Variants in CPXM2 observed in about 807,000 individuals in gnomAD.
The protein encoded by CPXM2 is carboxypeptidase X, M14 family member 2, also known as inactive carboxypeptidase-like protein X2.
CPXM2 carries 66 observed loss-of-function variants against 86.1 expected under a neutral mutation model. That is an observed-to-expected ratio of 0.77 (90% CI 0.63 to 0.94). CPXM2 has a LOEUF of 0.94. CPXM2 is among the 40% of genes least tolerant of loss of function. CPXM2 has a pLI of 0.00. For missense variants in CPXM2, 948 were observed against 1,026.3 expected (o/e 0.92, Z 1.04); for synonymous variants, 388 against 400.2 (o/e 0.97, Z 0.36).
intron 1 of CPXM2, among the ~76,000 whole-genome samples, chr10:123,888,416 A>C (rs1945213629): frequency 2.0e-5 from 3 of 152,174 alleles, no homozygotes; most frequent in Admixed American, 2.0e-4. Flanking sequence ...TCATCCACCC[A>C]GTGAAGCAAA....
At chr10:123,880,860 A>G (rs1245543011) in intron 1 of CPXM2, among the ~76,000 whole-genome samples, 2 of 149,632 alleles carry the variant, frequency 1.3e-5, no homozygotes, top group African/African-American at 4.9e-5. Context: ...AGACTGAAGA[A>G]TACCTTTGGG....
chr10:123,879,024 T>C (rs1427647249), intron 2 of CPXM2, among the ~76,000 whole-genome samples: 2 of 152,184 alleles, frequency 1.3e-5, no homozygotes, highest in African/African-American at 4.8e-5. Flanking sequence ...CCCGGTCCAA[T>C]GAGTCCTCTC....
intron 3 of CPXM2, among the ~76,000 whole-genome samples, chr10:123,857,593 TGGAGATGGAAGGCGGC>T (rs1848756854): frequency 1.5e-5 from 2 of 135,770 alleles, no homozygotes; most frequent in South Asian, 5.4e-4. Flanking sequence ...GAAGGCGGCG[TGGAGATGGAAGGCGGC>T]GTGGAGATGG....
At position 123,880,821 on chromosome 10, in the gene CPXM2, T is replaced by TCCG. The variant is rs1273362698; in HGVS notation, c.305-515_305-513dup. ...TCCAGCCTGGGTGACAGAGCGAGAT[T>TCCG]CCGTCTCAAAAAAAAAAAAAAAAAA... On this transcript the variant is annotated intron_variant, in intron 1 of 13. Transcript: ENST00000241305. Among the ~76,000 whole-genome samples, 7 of 95,448 alleles carry TCCG rather than the reference T, an allele frequency of 7.3e-5. No homozygotes were observed. The East Asian group carries it at 1.3e-3, about 17-fold the overall frequency. 62.6% of individuals were successfully genotyped at this position (95,448 alleles called of 152,430 possible).
chr10:123,779,025 G>T (rs548114339), intron 7 of CPXM2, among the ~76,000 whole-genome samples: 9 of 152,320 alleles, frequency 5.9e-5, no homozygotes, highest in African/African-American at 2.2e-4. Flanking sequence ...TTGGAGCTCC[G>T]CTTAATTACT....
At chr10:123,927,339 A>T (rs1261973774) in intron 2 of CPXM2, among the ~76,000 whole-genome samples, 1 of 152,220 alleles carries the variant, frequency 6.6e-6, no homozygotes, top group Non-Finnish European at 1.5e-5. Flanking sequence ...GGGCATGATA[A>T]TAGTACCTGC....
intron 2 of CPXM2, among the ~76,000 whole-genome samples, chr10:123,928,430 A>T (rs905775175): frequency 6.6e-6 from 1 of 152,238 alleles, no homozygotes; most frequent in African/African-American, 2.4e-5. Context: ...ACACCAACAC[A>T]TGTGGCCACA....
chr10:123,786,857 T>C (rs1214893785), intron 6 of CPXM2, among the ~76,000 whole-genome samples: 1 of 152,234 alleles, frequency 6.6e-6, no homozygotes, highest in Non-Finnish European at 1.5e-5. Context: ...ACCTATCTTA[T>C]GTCAAATGTA....
chr10:123,889,004 G>A (rs7920324), intron 1 of CPXM2, among the ~76,000 whole-genome samples: 2,689 of 152,322 alleles, frequency 0.018, 72 homozygotes, highest in African/African-American at 0.059. Context: ...CCCATGGCCT[G>A]TCTCTACCTG....
chr10:123,816,652 G>A (rs1314342697), intron 4 of CPXM2, among the ~76,000 whole-genome samples: 2 of 152,216 alleles, frequency 1.3e-5, no homozygotes, highest in East Asian at 3.9e-4. Context: ...CCTGGCAACT[G>A]GTATGCAGCC....
chr10:123,788,878 G>A (rs1447143554), intron 6 of CPXM2, among the ~76,000 whole-genome samples: 25 of 138,846 alleles, frequency 1.8e-4, no homozygotes, highest in South Asian at 2.3e-4. Context: ...CACCTTGATT[G>A]AAAAAAAAAA....
chr10:123,906,626 A>G (rs1945443814), intron 2 of CPXM2, among the ~76,000 whole-genome samples: 1 of 152,238 alleles, frequency 6.6e-6, no homozygotes, highest in African/African-American at 2.4e-5. Flanking sequence ...GTGGAATGCC[A>G]AACTGAAAAA....
intron 9 of CPXM2, 38 bp downstream of exon 9, chr10:123,768,488 C>T (rs1372226645): frequency 1.3e-6 from 2 of 1,561,458 alleles, no homozygotes; most frequent in African/African-American, 1.3e-5. Flanking sequence ...GGCCTCGCTG[C>T]CCATGTCCTA....
At chr10:123,902,457 T>C (rs1470886977) in intron 2 of CPXM2, among the ~76,000 whole-genome samples, 1 of 152,166 alleles carries the variant, frequency 6.6e-6, no homozygotes, top group Non-Finnish European at 1.5e-5. Flanking sequence ...TATAGTGTCT[T>C]AGTCCATTAG....
intron 3 of CPXM2, among the ~76,000 whole-genome samples, chr10:123,860,945 GA>G (rs1461064956): frequency 9.2e-5 from 14 of 152,170 alleles, no homozygotes; most frequent in Admixed American, 2.0e-4. Flanking sequence ...CGTCTGAACT[GA>G]AAAGTGGCGG....
At chr10:123,787,890 T>C (rs1452890311) in intron 6 of CPXM2, among the ~76,000 whole-genome samples, 1 of 152,148 alleles carries the variant, frequency 6.6e-6, no homozygotes. Context: ...ACTCCGGGTT[T>C]GTAGCCCCCA....
intron 6 of CPXM2, among the ~76,000 whole-genome samples, chr10:123,788,857 T>G (rs1458969983): frequency 2.1e-5 from 3 of 143,864 alleles, no homozygotes; most frequent in African/African-American, 7.8e-5. Context: ...TAGTGTATAT[T>G]ATATGAATTT....
Position 123,754,783 on chromosome 10 carries a change from A to C in CPXM2, c.1918-21T>G. The stretch of plus-strand genomic sequence containing the variant: ...TGAACCTGCTCAGCAAACATGAGAC[A>C]CAGGGTGAGGTCACCGACCAGCTCT... On this transcript the variant is annotated intron_variant, in intron 12 of 13. Coordinates refer to ENST00000241305, the MANE Select transcript of CPXM2 (RefSeq NM_198148.3). This position sits in a 1 kb window ranked among gnomAD's most constrained non-coding sequence, Gnocchi z 4.0. 7.0e-7 allele frequency: 1 copy of C among 1,434,210 alleles called. No individual in the cohort carries two copies. The highest frequency in any genetic ancestry group is 9.8e-7 in the Non-Finnish European group (1 of 1,015,680). 88.8% of individuals were successfully genotyped at this position (1,434,210 alleles called of 1,614,324 possible). A position where few individuals can be genotyped will look rare whatever the true frequency, so the allele number is the denominator to read the frequency against.
chr10:123,929,220 G>A (rs1349638214), intron 2 of CPXM2, among the ~76,000 whole-genome samples: 5 of 152,220 alleles, frequency 3.3e-5, no homozygotes, highest in Non-Finnish European at 7.3e-5. Flanking sequence ...CCACAGTTAG[G>A]GACCTGAGGA....
Sources: gnomAD v4.1 joint callset for allele counts (sites outside exome capture counted in the v4.1 genomes callset) on GRCh38, gnomAD v4.1.1 for gene constraint, Gnocchi (gnomAD v3.1) non-coding constraint, MANE v1.5 for transcripts, NCBI Gene and HGNC (gene_info 2026-07-23, HGNC 2026-07-21) for gene names.